CTNNA3: variants seen among roughly 807,000 people sequenced by gnomAD.
CTNNA3 encodes the protein catenin alpha-3.
In CTNNA3, 76 loss-of-function variants were observed where a neutral mutation model predicts 95.7. The observed-to-expected ratio is 0.79, with a 90% CI of 0.66 to 0.96. CTNNA3 has a LOEUF of 0.96. Ranked by LOEUF, CTNNA3 falls within the 40% of genes least tolerant of loss-of-function variation. The probability of loss-of-function intolerance (pLI) is 0.00; values close to 1 mark genes in which losing one functional copy is unlikely to be tolerated. For synonymous variants in CTNNA3, 431 were observed against 374.4 expected (o/e 1.15, Z -1.74); for missense variants, 1,191 against 1,089.8 (o/e 1.09, Z -1.31).
intron 5 of CTNNA3, among the ~76,000 whole-genome samples, chr10:67,300,922 A>G (rs1381316377): frequency 6.6e-6 from 1 of 152,262 alleles, no homozygotes; most frequent in Non-Finnish European, 1.5e-5. Flanking sequence ...TGAGACAGGT[A>G]AGAATTTTTT....
intron 10 of CTNNA3, among the ~76,000 whole-genome samples, chr10:66,540,479 A>T (rs920568104): frequency 6.6e-6 from 1 of 152,154 alleles, no homozygotes. Context: ...GACAGAAAAG[A>T]AACAAAACAG....
chr10:66,934,066 A>C (rs1468355661), intron 7 of CTNNA3, among the ~76,000 whole-genome samples: 1 of 152,110 alleles, frequency 6.6e-6, no homozygotes, highest in Non-Finnish European at 1.5e-5. Flanking sequence ...TTCCAGGAAC[A>C]CAGAGAGAAC....
At chr10:67,726,611 A>ATC (rs1841228023) in intron 1 of CTNNA3, among the ~76,000 whole-genome samples, 1 of 17,744 alleles carries the variant, frequency 5.6e-5, no homozygotes, top group African/African-American at 2.1e-4. Flanking sequence ...CATATTATAT[A>ATC]ATATATAATA....
At chr10:66,037,977 A>G (rs1472403164) in intron 15 of CTNNA3, among the ~76,000 whole-genome samples, 1 of 152,196 alleles carries the variant, frequency 6.6e-6, no homozygotes, top group Non-Finnish European at 1.5e-5. Context: ...GGAGGGACAG[A>G]CCACAAAGCT....
chr10:67,185,312 G>A (rs899569367), intron 6 of CTNNA3, among the ~76,000 whole-genome samples: 3 of 152,014 alleles, frequency 2.0e-5, no homozygotes, highest in South Asian at 4.2e-4. Flanking sequence ...ATTTTTAGTA[G>A]AGAGAGGGTT....
chr10:66,078,456 A>C (rs891686966), intron 14 of CTNNA3, among the ~76,000 whole-genome samples: 1 of 151,894 alleles, frequency 6.6e-6, no homozygotes, highest in Non-Finnish European at 1.5e-5. Flanking sequence ...ACAGAATTGC[A>C]AATTCTAGAT....
chr10:66,163,283 T>A (rs2084945607), intron 13 of CTNNA3, among the ~76,000 whole-genome samples: 1 of 152,090 alleles, frequency 6.6e-6, no homozygotes, highest in Non-Finnish European at 1.5e-5. Flanking sequence ...CTCCTCCCTG[T>A]GGAGTTTTAC....
chr10:66,431,802 A>G (rs1239056086), intron 11 of CTNNA3, among the ~76,000 whole-genome samples: 1 of 151,310 alleles, frequency 6.6e-6, no homozygotes, highest in East Asian at 2.0e-4. Flanking sequence ...ATGTTAAATG[A>G]CCAGTTAATG....
chr10:66,640,905 G>GGAAAAAAT (rs1156772580), intron 9 of CTNNA3, among the ~76,000 whole-genome samples: 1 of 152,012 alleles, frequency 6.6e-6, no homozygotes, highest in Non-Finnish European at 1.5e-5. Context: ...AAAGATCCTT[G>GGAAAAAAT]GAAACATCAT....
intron 7 of CTNNA3, among the ~76,000 whole-genome samples, chr10:66,985,789 A>G (rs11597970): frequency 0.4 from 60,568 of 152,026 alleles, 12,814 homozygotes; most frequent in South Asian, 0.6. Context: ...GTGCAGTACC[A>G]TGATCTCAGG....
intron 9 of CTNNA3, among the ~76,000 whole-genome samples, chr10:66,720,205 GAA>G (rs1181148758): frequency 6.8e-6 from 1 of 146,912 alleles, no homozygotes; most frequent in African/African-American, 2.4e-5. Flanking sequence ...ATGAAAGAGA[GAA>G]GAAGAGAGAA....
chr10:67,728,985 T>C lies in CTNNA3; in HGVS notation c.-2+34449A>G, dbSNP rs185127654. ...CTCCTTTAAAGCTTCCATATTAATT[T>C]CTAAATCTCAGTTACAAAGTAAATG... On this transcript the variant is annotated intron_variant, in intron 1 of 17. Coordinates refer to the CTNNA3 transcript ENST00000684154. Among the ~76,000 whole-genome samples, 399 of 152,286 alleles carry C rather than the reference T, an allele frequency of 2.6e-3. 1 individual carries two copies. Among genetic ancestry groups the C allele is most frequent in the African/African-American group, 9.3e-3 (385 of 41,566 alleles).
intron 11 of CTNNA3, among the ~76,000 whole-genome samples, chr10:66,458,310 C>T (rs150855259): frequency 5.3e-5 from 8 of 152,244 alleles, no homozygotes; most frequent in East Asian, 3.9e-4. Context: ...ATATACTCAA[C>T]GCCATAAATG....
chr10:67,367,983 A>G (rs941847492), intron 5 of CTNNA3, among the ~76,000 whole-genome samples: 1 of 152,184 alleles, frequency 6.6e-6, no homozygotes, highest in Non-Finnish European at 1.5e-5. Context: ...AAATCTCAGC[A>G]TCACACAACA....
At chr10:67,150,492 C>A (rs992040312) in intron 7 of CTNNA3, among the ~76,000 whole-genome samples, 1 of 152,116 alleles carries the variant, frequency 6.6e-6, no homozygotes, top group Non-Finnish European at 1.5e-5. Flanking sequence ...TGTAAATGCC[C>A]TTCATTCCAC....
At chr10:67,470,305 C>G (rs960782097) in intron 5 of CTNNA3, among the ~76,000 whole-genome samples, 3 of 152,106 alleles carry the variant, frequency 2.0e-5, no homozygotes, top group Non-Finnish European at 4.4e-5. Flanking sequence ...CTGAATAGTA[C>G]TCCATTGTGT....
At chr10:66,698,430 CA>C (rs1179238756) in intron 9 of CTNNA3, among the ~76,000 whole-genome samples, 1 of 152,104 alleles carries the variant, frequency 6.6e-6, no homozygotes, top group Non-Finnish European at 1.5e-5. Flanking sequence ...ATCACTTACC[CA>C]AAATACCTGC....
intron 14 of CTNNA3, among the ~76,000 whole-genome samples, chr10:66,081,333 C>T (rs1352530168): frequency 1.3e-5 from 2 of 152,016 alleles, no homozygotes; most frequent in Non-Finnish European, 2.9e-5. Context: ...ACAGGATGTC[C>T]AGGCCTGGTG....
At chr10:65,976,171 G>A (rs2078204616) in intron 16 of CTNNA3, among the ~76,000 whole-genome samples, 1 of 152,098 alleles carries the variant, frequency 6.6e-6, no homozygotes, top group African/African-American at 2.4e-5. Context: ...AACAGTATCA[G>A]TCTTCTTGCC....
Sources: allele counts gnomAD v4.1 joint callset (sites outside exome capture counted in the v4.1 genomes callset), GRCh38; gene constraint gnomAD v4.1.1; transcripts MANE v1.5; gene names NCBI Gene and HGNC (gene_info 2026-07-23, HGNC 2026-07-21).